Variants in ANXA13 observed in about 807,000 individuals in gnomAD.
The protein encoded by ANXA13 is annexin A13.
A neutral mutation model predicts 46.6 loss-of-function variants in ANXA13; 36 were observed. The observed-to-expected ratio is 0.77, with a 90% CI of 0.59 to 1.02. ANXA13 has a LOEUF of 1.02. ANXA13 is among the 50% of genes least tolerant of loss of function. The pLI is 0.00. For synonymous variants in ANXA13, 163 were observed against 152.9 expected (o/e 1.07, Z -0.49); for missense variants, 417 against 396.5 (o/e 1.05, Z -0.44).
At position 123,681,215 on chromosome 8, in the gene ANXA13, T is replaced by C. The variant is rs747750676; in HGVS notation, c.*25A>G. ...GCTCTTGACAAAGGCGGTTCCACCCTGTGTTCCTATTGCCCTGGCTTGGCT... is the reference window on the plus strand; with the variant it reads ...GCTCTTGACAAAGGCGGTTCCACCCCGTGTTCCTATTGCCCTGGCTTGGCT... On this transcript the variant is annotated 3_prime_UTR_variant, in exon 11 of 11. Coordinates refer to ENST00000419625, the MANE Select transcript of ANXA13 (RefSeq NM_004306.4). 1.3e-5 allele frequency: 21 copies of C among 1,586,698 alleles called. No homozygotes were observed. The highest frequency in any genetic ancestry group is 1.7e-4 in the Middle Eastern group (1 of 5,954).
At chr8:123,693,820 T>C (rs770991731) in intron 6 of ANXA13, 41 bp from the exon 7 acceptor site, 2 of 1,557,562 alleles carry the variant, frequency 1.3e-6, no homozygotes, top group South Asian at 2.2e-5. Flanking sequence ...GCATTCCTGC[T>C]TGACCACAGA....
chr8:123,707,462 T>C (rs1489248391), intron 2 of ANXA13, among the ~76,000 whole-genome samples: 1 of 152,116 alleles, frequency 6.6e-6, no homozygotes, highest in Non-Finnish European at 1.5e-5. Flanking sequence ...CCATCAATGA[T>C]AGACTGGATA....
chr8:123,737,330 C>T lies in ANXA13; in HGVS notation c.5G>A (p.Gly2Asp), dbSNP rs147593116. The T allele has an allele frequency of 6.2e-7, 1 of 1,610,780 alleles. No individual in the cohort carries two copies. The highest frequency in any genetic ancestry group is 1.3e-5 in the African/African-American group (1 of 74,728). ...GCAATGAGTACTTACATGACGATTGCCCATTTTCCTTTTTCTGAGATGGTT... is the reference window on the plus strand; with the variant it reads ...GCAATGAGTACTTACATGACGATTGTCCATTTTCCTTTTTCTGAGATGGTT... M[G>D]NRHAKASSPQ... Residue 2 changes from glycine (G) to aspartate (D), a missense_variant, in exon 1 of 11, where the codon GGC becomes GAC. Gly to Asp is a moderately conservative substitution (Grantham distance 94). Coordinates refer to ENST00000419625, the MANE Select transcript of ANXA13 (RefSeq NM_004306.4).
intron 9 of ANXA13, among the ~76,000 whole-genome samples, chr8:123,685,270 T>C (rs143669704): frequency 1.1e-4 from 17 of 152,350 alleles, no homozygotes; most frequent in Admixed American, 5.2e-4. Context: ...GATGTGGACT[T>C]GATGAAATGT....
At chr8:123,688,844 A>T in intron 9 of ANXA13, 27 bp downstream of exon 9, 1 of 1,608,884 alleles carries the variant, frequency 6.2e-7, no homozygotes, top group Non-Finnish European at 8.5e-7. Context: ...CCAACCTAAG[A>T]CAGGAGCTCT....
Position 123,735,670 on chromosome 8 carries a change from C to A in ANXA13, c.15+1650G>T. The A allele has an allele frequency of 2.8e-6, 4 of 1,430,268 alleles. No homozygotes were observed. In the South Asian group the frequency reaches 5.1e-5, roughly 18 times the overall value. 88.6% of individuals were successfully genotyped at this position (1,430,268 alleles called of 1,614,324 possible). A position where few individuals can be genotyped will look rare whatever the true frequency, so the allele number is the denominator to read the frequency against. ...GGCTGGTGGCTGGTGGAGGGTCCAA[C>A]ATGACAGATCACTGGGGGCTCATAT... is the stretch of plus-strand genomic sequence containing the variant. On this transcript the variant is annotated intron_variant, in intron 1 of 10. Coordinates refer to ENST00000419625, the MANE Select transcript of ANXA13 (RefSeq NM_004306.4).
intron 1 of ANXA13, among the ~76,000 whole-genome samples, chr8:123,732,520 G>T (rs1814138983): frequency 6.6e-6 from 1 of 152,146 alleles, no homozygotes; most frequent in African/African-American, 2.4e-5. Context: ...CACGCTGCTG[G>T]GACATGCAGG....
intron 1 of ANXA13, among the ~76,000 whole-genome samples, chr8:123,713,841 C>A (rs935775769): frequency 6.6e-6 from 1 of 152,108 alleles, no homozygotes; most frequent in Non-Finnish European, 1.5e-5. Flanking sequence ...TATAGGTGCA[C>A]GCCACCATGC....
chr8:123,689,095 A>G, intron 8 of ANXA13, 149 bp from the exon 9 acceptor site: 1 of 711,584 alleles, frequency 1.4e-6, no homozygotes, highest in Non-Finnish European at 2.4e-6. Flanking sequence ...GCCTTGTAGG[A>G]TTGGGGTGTT....
intron 1 of ANXA13, among the ~76,000 whole-genome samples, chr8:123,717,334 T>G (rs1813775563): frequency 6.6e-6 from 1 of 152,188 alleles, no homozygotes; most frequent in Non-Finnish European, 1.5e-5. Context: ...GTCCTTCCCC[T>G]GTCTCTTTGG....
intron 8 of ANXA13, 28 bp from the exon 9 acceptor site, chr8:123,688,974 A>G (rs779382326): frequency 3.7e-6 from 6 of 1,611,292 alleles, no homozygotes; most frequent in Non-Finnish European, 5.1e-6. Flanking sequence ...ATCAACTGTT[A>G]TTCCAGGTTT....
At chr8:123,722,417 A>G (rs1813901281) in intron 1 of ANXA13, among the ~76,000 whole-genome samples, 1 of 151,866 alleles carries the variant, frequency 6.6e-6, no homozygotes, top group African/African-American at 2.4e-5. Flanking sequence ...CAACTCTTAG[A>G]ATGATAGTCT....
intron 9 of ANXA13, among the ~76,000 whole-genome samples, chr8:123,686,744 G>A (rs1813147121): frequency 6.6e-6 from 1 of 152,170 alleles, no homozygotes; most frequent in African/African-American, 2.4e-5. Context: ...TTTGAGAAAT[G>A]CTGCTCCAGA....
chr8:123,724,686 C>A (rs965607309), intron 1 of ANXA13, among the ~76,000 whole-genome samples: 2 of 152,156 alleles, frequency 1.3e-5, no homozygotes, highest in African/African-American at 4.8e-5. Context: ...ACACTGAAAG[C>A]ATTAAAGCCA....
At chr8:123,689,909 C>T (rs983419190) in intron 8 of ANXA13, among the ~76,000 whole-genome samples, 2 of 152,148 alleles carry the variant, frequency 1.3e-5, no homozygotes, top group Non-Finnish European at 2.9e-5. Flanking sequence ...ATTTTGAAAA[C>T]ACAGGTAAAC....
intron 1 of ANXA13, among the ~76,000 whole-genome samples, chr8:123,734,002 T>C (rs1814191936): frequency 1.3e-5 from 2 of 152,238 alleles, no homozygotes; most frequent in East Asian, 1.9e-4. Flanking sequence ...GGGCTGAGCA[T>C]CTGCATTCCT....
intron 9 of ANXA13, among the ~76,000 whole-genome samples, chr8:123,684,984 C>A (rs1813114850): frequency 1.3e-5 from 2 of 152,370 alleles, no homozygotes; most frequent in South Asian, 2.1e-4. Context: ...GCCCTCCCGG[C>A]CACGTCCATG....
chr8:123,710,854 G>C (rs77478995), intron 2 of ANXA13, among the ~76,000 whole-genome samples: 1 of 152,150 alleles, frequency 6.6e-6, no homozygotes, highest in Non-Finnish European at 1.5e-5. Flanking sequence ...AAGTTTAACC[G>C]TTTCTCAATA....
chr8:123,711,317 C>T (rs1813653102), intron 2 of ANXA13, among the ~76,000 whole-genome samples: 1 of 152,234 alleles, frequency 6.6e-6, no homozygotes, highest in Non-Finnish European at 1.5e-5. Context: ...TACCTTCCCT[C>T]CCTGTCCTGT....
Sources: allele counts gnomAD v4.1 joint callset (sites outside exome capture counted in the v4.1 genomes callset), GRCh38; gene constraint gnomAD v4.1.1; transcripts MANE v1.5; gene names NCBI Gene and HGNC (gene_info 2026-07-23, HGNC 2026-07-21).